Variants in KLHL7 observed in about 807,000 individuals in gnomAD.
KLHL7 encodes kelch-like protein 7.
KLHL7 carries 44 observed loss-of-function variants against 67.4 expected under a neutral mutation model. The ratio of observed to expected loss-of-function variants is 0.65; its 90% CI spans 0.51 to 0.84. The LOEUF is 0.84. Ranked by LOEUF, KLHL7 falls within the 40% of genes least tolerant of loss-of-function variation. The pLI is 0.00. For missense variants in KLHL7, 362 were observed against 718.1 expected, an observed-to-expected ratio of 0.50 and a Z score of 5.67; for synonymous variants, 252 against 243.3, an observed-to-expected ratio of 1.04 and a Z score of -0.33.
intron 4 of KLHL7, among the ~76,000 whole-genome samples, chr7:23,131,696 A>G (rs528899677): frequency 7.3e-5 from 11 of 150,026 alleles, no homozygotes; most frequent in African/African-American, 2.5e-4. Flanking sequence ...GACTATAGTC[A>G]CCCTGTTGTG....
At chr7:23,106,494 C>T (rs1304023118) in intron 1 of KLHL7, 3 of 1,160,676 alleles carry the variant, frequency 2.6e-6, no homozygotes, top group Non-Finnish European at 2.2e-6. Flanking sequence ...TTTAAGGTGC[C>T]GTGAGATCTT....
intron 9 of KLHL7, among the ~76,000 whole-genome samples, chr7:23,171,854 C>G (rs1785172585): frequency 6.6e-6 from 1 of 152,140 alleles, no homozygotes; most frequent in Non-Finnish European, 1.5e-5. Context: ...GGACTACAGG[C>G]GCCTGCCGCC....
chr7:23,106,938 A>G (rs1163398808), intron 1 of KLHL7: 8 of 508,792 alleles, frequency 1.6e-5, no homozygotes, highest in Non-Finnish European at 2.0e-5. Context: ...GATAATACAC[A>G]TCTAAGTAGA....
chr7:23,116,639 G>A (rs1364762522), intron 1 of KLHL7, among the ~76,000 whole-genome samples: 1 of 152,102 alleles, frequency 6.6e-6, no homozygotes, highest in East Asian at 1.9e-4. Flanking sequence ...CTTTCCTACA[G>A]AACTTCCCCT....
At chr7:23,167,167 A>G (rs976654827) in intron 8 of KLHL7, among the ~76,000 whole-genome samples, 1 of 152,084 alleles carries the variant, frequency 6.6e-6, no homozygotes, top group African/African-American at 2.4e-5. Context: ...CTTTAATAGT[A>G]TCATTTCTAA....
At chr7:23,137,698 C>G (rs1784028761) in intron 4 of KLHL7, among the ~76,000 whole-genome samples, 1 of 150,016 alleles carries the variant, frequency 6.7e-6, no homozygotes, top group Admixed American at 6.6e-5. Flanking sequence ...AGGCTGGTCT[C>G]GAACTCCTGA....
Position 23,174,254 on chromosome 7 carries a change from G to A in KLHL7, c.1717G>A (p.Val573Ile), listed in dbSNP as rs758622030. The A allele has an allele frequency of 6.8e-6, 11 of 1,614,026 alleles. No individual in the cohort carries two copies. The South Asian group carries it at 8.8e-5, about 13-fold the overall frequency. Residue 573 changes from valine (V) to isoleucine (I), a missense_variant, in exon 11 of 11, where the codon GTT becomes ATT. Physicochemically the swap from Val to Ile is conservative, Grantham distance 29 (BLOSUM62 3). Transcript: ENST00000339077. ...TCCAGTCACAAGTTGTTTAATTTGT[G>A]TTGTCGATACTTGTGGAGCAAATGA... is the stretch of plus-strand genomic sequence containing the variant. ...AFPVTSCLIC[V>I]VDTCGANEET...
chr7:23,166,039 C>A, intron 8 of KLHL7, 101 bp downstream of exon 8: 1 of 1,321,112 alleles, frequency 7.6e-7, no homozygotes, highest in African/African-American at 1.5e-5. Context: ...TGTCCAGATA[C>A]TTTCTTGGTA....
intron 4 of KLHL7, chr7:23,125,633 T>C: frequency 8.7e-7 from 1 of 1,155,220 alleles, no homozygotes. Flanking sequence ...CCTTGCTGCC[T>C]CCCCACATTG....
chr7:23,176,230 T>C lies in KLHL7; in HGVS notation c.*1932T>C, dbSNP rs890628534. 4 of 152,188 alleles carry C rather than the reference T, an allele frequency of 2.6e-5. No individual in the cohort carries two copies. The highest frequency in any genetic ancestry group is 9.7e-5 in the African/African-American group (4 of 41,436). The allele number at this position is 152,188 out of a possible 1,614,324, so 9.4% of individuals were successfully genotyped here. On this transcript the variant is annotated 3_prime_UTR_variant, in exon 11 of 11. Transcript: ENST00000339077. ...TAAATCAAGTTGTCAGCAGGGTTAG[T>C]TCCTTCTGGAGGGTCTGCAGCAGAA...
In KLHL7 at chr7:23,125,149, A is replaced by T. The variant is rs1783521422; in HGVS notation, c.419A>T (p.Gln140Leu). 1 of 1,613,428 alleles carries T rather than the reference A, an allele frequency of 6.2e-7. No homozygotes were observed. The highest frequency in any genetic ancestry group is 8.5e-7 in the Non-Finnish European group (1 of 1,179,594). Residue 140 changes from glutamine to leucine, a missense_variant, in exon 4 of 11, where the codon CAA (glutamine) becomes CTA (leucine). Gln to Leu is a moderately radical substitution (Grantham distance 113). Coordinates refer to ENST00000339077, the MANE Select transcript of KLHL7 (RefSeq NM_001031710.3). ...ATGTGTGTTGATTTTTTGAAAGAAC[A>T]AGTTGATGCTTCAAATTGTCTTGGT... ...KKMCVDFLKE[Q>L]VDASNCLGIS...
chr7:23,176,028 C>T lies in KLHL7; in HGVS notation c.*1730C>T, dbSNP rs986506900. ...TATCCACAGAGTTACGCAACCATCA[C>T]CACAATTTTAGAACATTTTCATCAC... On this transcript the variant is annotated 3_prime_UTR_variant, in exon 11 of 11. Coordinates refer to ENST00000339077, the MANE Select transcript of KLHL7 (RefSeq NM_001031710.3). The T allele has an allele frequency of 4.6e-5, 7 of 151,662 alleles. No homozygotes were observed. Among genetic ancestry groups the T allele is most frequent in the South Asian group, 2.1e-4 (1 of 4,816 alleles). The allele number at this position is 151,662 out of a possible 1,614,324, so 9.4% of individuals were successfully genotyped here.
In KLHL7 at chr7:23,162,213, G is replaced by T. The variant is rs1239027184; in HGVS notation, c.937-3485G>T. Among the ~76,000 whole-genome samples the T allele has an allele frequency of 2.0e-5, 3 of 152,188 alleles. No individual in the cohort carries two copies. The East Asian group carries it at 5.8e-4, about 29-fold the overall frequency. On this transcript the variant is annotated intron_variant, in intron 7 of 10. Transcript: ENST00000339077. Reference sequence around the variant, plus strand: ...GCAGCTTTGGAGTCAGATGGATTTAGATTAAGATCTTGGGTTCACCATTTT... The same window carrying T: ...GCAGCTTTGGAGTCAGATGGATTTATATTAAGATCTTGGGTTCACCATTTT...
intron 5 of KLHL7, 144 bp downstream of exon 5, chr7:23,141,088 G>C (rs1784166187): frequency 1.3e-6 from 1 of 791,298 alleles, no homozygotes; most frequent in Middle Eastern, 2.6e-4. Context: ...TGTAATCTTA[G>C]GTGCTTGCCA....
intron 7 of KLHL7, among the ~76,000 whole-genome samples, chr7:23,164,155 C>T (rs1048261762): frequency 6.6e-6 from 1 of 151,662 alleles, no homozygotes; most frequent in African/African-American, 2.4e-5. Flanking sequence ...CTATTCTTCC[C>T]CACCCCACCC....
intron 6 of KLHL7, among the ~76,000 whole-genome samples, chr7:23,147,354 T>C (rs1784391164): frequency 1.3e-5 from 2 of 152,156 alleles, no homozygotes; most frequent in Non-Finnish European, 2.9e-5. Flanking sequence ...CCTCCCAAAG[T>C]GCTGGGATTA....
intron 5 of KLHL7, 71 bp from the exon 6 acceptor site, chr7:23,143,780 G>A (rs758292643): frequency 3.1e-5 from 45 of 1,441,782 alleles, no homozygotes; most frequent in Non-Finnish European, 4.3e-5. Flanking sequence ...CCTTCAATAT[G>A]AGAGTAAACA....
chr7:23,146,820 A>G (rs572260738), intron 6 of KLHL7, among the ~76,000 whole-genome samples: 4 of 152,080 alleles, frequency 2.6e-5, no homozygotes, highest in African/African-American at 9.7e-5. Flanking sequence ...CTAAATTTCC[A>G]TATATCTATA....
chr7:23,157,505 A>C (rs924079601), intron 7 of KLHL7, among the ~76,000 whole-genome samples: 8 of 152,258 alleles, frequency 5.3e-5, no homozygotes, highest in African/African-American at 1.7e-4. Context: ...GCAGTTTGTT[A>C]GACAGGTGGT....
Sources: gnomAD v4.1 joint callset for allele counts (sites outside exome capture counted in the v4.1 genomes callset) on GRCh38, gnomAD v4.1.1 for gene constraint, MANE v1.5 for transcripts, NCBI Gene and HGNC (gene_info 2026-07-23, HGNC 2026-07-21) for gene names.